Variants in ADK observed in about 807,000 individuals in gnomAD.
ADK encodes N6,N6-dimethyladenosine kinase.
In ADK, 24 loss-of-function variants were observed where a neutral mutation model predicts 44.7. That is an observed-to-expected ratio of 0.54 (90% CI 0.39 to 0.76). The LOEUF is 0.76. Among genes scored for constraint, ADK ranks in the 30% least tolerant of loss-of-function variants. The pLI is 0.00. For synonymous variants in ADK, 128 were observed against 142.6 expected (o/e 0.90, Z 0.73); for missense variants, 321 against 425.1 (o/e 0.76, Z 2.15).
chr10:74,638,420 G>A (rs554157466), intron 9 of ADK, among the ~76,000 whole-genome samples: 10 of 152,212 alleles, frequency 6.6e-5, no homozygotes, highest in African/African-American at 2.4e-4. Context: ...TCAACACTTT[G>A]AGAGGCTAAG....
chr10:74,360,896 C>A (rs914482896), intron 4 of ADK, among the ~76,000 whole-genome samples: 5 of 151,978 alleles, frequency 3.3e-5, no homozygotes, highest in Admixed American at 3.3e-4. Context: ...ATCCATTCAC[C>A]CACCCTGTGT....
chr10:74,329,106 CAAAAAAAAAAA>C (rs138730631), intron 4 of ADK, among the ~76,000 whole-genome samples: 25 of 82,120 alleles, frequency 3.0e-4, no homozygotes, highest in South Asian at 1.0e-3. Flanking sequence ...TCTGTGCAGG[CAAAAAAAAAAA>C]AAAAAAAAAA....
chr10:74,377,525 A>G (rs143833052), intron 4 of ADK, among the ~76,000 whole-genome samples: 2 of 152,312 alleles, frequency 1.3e-5, no homozygotes, highest in African/African-American at 2.4e-5. Context: ...ATCAGACTCT[A>G]TACATCAAAG....
intron 9 of ADK, among the ~76,000 whole-genome samples, chr10:74,662,376 GCT>G (rs1292042738): frequency 1.3e-5 from 2 of 152,110 alleles, no homozygotes. Context: ...AACCACCTGG[GCT>G]CAAGCGATCC....
chr10:74,474,524 T>C (rs931763486), intron 6 of ADK, among the ~76,000 whole-genome samples: 4 of 150,374 alleles, frequency 2.7e-5, no homozygotes, highest in Non-Finnish European at 4.5e-5. Flanking sequence ...CCCTTCCCTT[T>C]CTTTCCTTTC....
intron 3 of ADK, among the ~76,000 whole-genome samples, chr10:74,243,471 T>G (rs1430993909): frequency 1.3e-5 from 2 of 152,238 alleles, no homozygotes; most frequent in East Asian, 3.8e-4. Context: ...TCCATAGGTA[T>G]TATGTGTCTG....
At chr10:74,423,677 C>A (rs1844660094) in intron 6 of ADK, 2 of 438,280 alleles carry the variant, frequency 4.6e-6, no homozygotes, top group Admixed American at 2.4e-5. Context: ...GCCTTGTTAC[C>A]CACAAGTACA....
chr10:74,606,976 A>T (rs1301913866), intron 9 of ADK, among the ~76,000 whole-genome samples: 1 of 151,944 alleles, frequency 6.6e-6, no homozygotes, highest in African/African-American at 2.4e-5. Context: ...TCCCTTTACC[A>T]TTATGTAATG....
chr10:74,435,187 G>A (rs1205430240), intron 6 of ADK, among the ~76,000 whole-genome samples: 1 of 152,190 alleles, frequency 6.6e-6, no homozygotes, highest in East Asian at 1.9e-4. Context: ...GACTGATAAT[G>A]CAGTGTGGAA....
In ADK at chr10:74,384,542, C is replaced by A. The variant is rs139077906; in HGVS notation, c.274-9599C>A. Among the ~76,000 whole-genome samples the A allele has an allele frequency of 5.4e-3, 819 of 152,164 alleles. 8 individuals carry two copies. The highest frequency in any genetic ancestry group is 0.018 in the African/African-American group (760 of 41,522). On this transcript the variant is annotated intron_variant, in intron 4 of 10. Transcript: ENST00000539909. ...AATATTAGCTGGGCATGGTGGCGTG[C>A]ACCTGTAATCCCAGCTACTCAGGAG...
intron 7 of ADK, among the ~76,000 whole-genome samples, chr10:74,544,704 T>C (rs1366256229): frequency 6.6e-6 from 1 of 151,900 alleles, no homozygotes; most frequent in Non-Finnish European, 1.5e-5. Context: ...GTGAAACCCC[T>C]TCTCCACTAA....
intron 3 of ADK, 122 bp from the exon 4 acceptor site, chr10:74,314,545 A>G: frequency 1.5e-6 from 1 of 670,976 alleles, no homozygotes; most frequent in Non-Finnish European, 2.7e-6. Context: ...CATTTATTCA[A>G]CATACTTAAA....
At chr10:74,282,855 T>C (rs1013312923) in intron 3 of ADK, among the ~76,000 whole-genome samples, 1 of 152,214 alleles carries the variant, frequency 6.6e-6, no homozygotes, top group African/African-American at 2.4e-5. Flanking sequence ...TTTTGTCTTA[T>C]AGTATATGAA....
chr10:74,500,709 C>T (rs1203272671), intron 6 of ADK, among the ~76,000 whole-genome samples: 1 of 151,990 alleles, frequency 6.6e-6, no homozygotes, highest in Non-Finnish European at 1.5e-5. Context: ...GTGACATATT[C>T]CGATGTCATG....
At chr10:74,548,194 A>G (rs542987048) in intron 7 of ADK, among the ~76,000 whole-genome samples, 1 of 152,150 alleles carries the variant, frequency 6.6e-6, no homozygotes, top group African/African-American at 2.4e-5. Flanking sequence ...CTAGTGTTGG[A>G]AATTTTTACT....
At chr10:74,691,012 A>G (rs974491259) in intron 10 of ADK, among the ~76,000 whole-genome samples, 39 of 152,262 alleles carry the variant, frequency 2.6e-4, no homozygotes, top group African/African-American at 8.9e-4. Context: ...GTTATAATTT[A>G]TCTTATTCCC....
intron 3 of ADK, among the ~76,000 whole-genome samples, chr10:74,270,470 T>C (rs1846386460): frequency 6.6e-6 from 1 of 152,202 alleles, no homozygotes; most frequent in Non-Finnish European, 1.5e-5. Flanking sequence ...TTGTAATATA[T>C]TGAACTGATC....
In ADK at chr10:74,342,779, T is replaced by TTGTGTGTGTGTGTGTGTGTGTGTG. The variant is rs757212421; in HGVS notation, c.273+28048_273+28071dup. On this transcript the variant is annotated intron_variant, in intron 4 of 10. Transcript: ENST00000539909. ...CATGAGCCGCTGTGCCTAGCTCAGT[T>TTGTGTGTGTGTGTGTGTGTGTGTG]TGTGTGTGTGTGTGTGTGTGTGTGT... Among the ~76,000 whole-genome samples the TTGTGTGTGTGTGTGTGTGTGTGTG allele has an allele frequency of 5.3e-3, 754 of 141,372 alleles. 8 individuals carry two copies. Among genetic ancestry groups the TTGTGTGTGTGTGTGTGTGTGTGTG allele is most frequent in the Admixed American group, 0.011 (153 of 13,966 alleles). 92.7% of individuals were successfully genotyped at this position (141,372 alleles called of 152,430 possible).
In ADK at chr10:74,631,196, C is replaced by T. The variant is rs917015710; in HGVS notation, c.877+30703C>T. On this transcript the variant is annotated intron_variant, in intron 9 of 10. Coordinates refer to ENST00000539909, the MANE Select transcript of ADK (RefSeq NM_006721.4). ...TTTTATTGTACACTAAGAATTTATA[C>T]ACACATCTATATCTGTGTCTATATT... Among the ~76,000 whole-genome samples the T allele has an allele frequency of 3.3e-5, 5 of 151,874 alleles. No homozygotes were observed. In the East Asian group the frequency reaches 9.6e-4, roughly 29 times the overall value.
Sources: allele counts gnomAD v4.1 joint callset (sites outside exome capture counted in the v4.1 genomes callset), GRCh38; gene constraint gnomAD v4.1.1; transcripts MANE v1.5; gene names NCBI Gene and HGNC (gene_info 2026-07-23, HGNC 2026-07-21).